The following BCCIP variants were observed in gnomAD, a reference collection of about 807,000 sequenced individuals.
BCCIP encodes BRCA2 and CDKN1A-interacting protein.
In BCCIP, 23 loss-of-function variants were observed where a neutral mutation model predicts 32.8. The observed-to-expected ratio is 0.70, with a 90% CI of 0.51 to 0.99. The LOEUF (loss-of-function observed/expected upper bound fraction) is 0.99, where lower values mean the gene tolerates loss of function less well. BCCIP is among the 50% of genes least tolerant of loss of function. The pLI is 0.00. For missense variants in BCCIP, 378 were observed against 379.8 expected (o/e 1.00, Z 0.04); for synonymous variants, 144 against 137.6 (o/e 1.05, Z -0.33).
intron 1 of BCCIP, among the ~76,000 whole-genome samples, chr10:125,824,941 A>C (rs1019496004): frequency 1.3e-5 from 2 of 152,274 alleles, no homozygotes; most frequent in Non-Finnish European, 2.9e-5. Context: ...GGAGGGGAGC[A>C]TGGAGAGAAG....
chr10:125,842,211 C>T lies in BCCIP; in HGVS notation c.*852C>T, dbSNP rs1854901670. On this transcript the variant is annotated 3_prime_UTR_variant, in exon 7 of 7. Transcript: ENST00000299130. ...ACCCAGGTGGAGCCTGCCAGCCTCC[C>T]TGCAGTAGGAAAACAATGCCAGGGA... 3 of 375,968 alleles carry T rather than the reference C, an allele frequency of 8.0e-6. No individual in the cohort carries two copies. The South Asian group carries it at 1.1e-4, about 14-fold the overall frequency. The allele number at this position is 375,968 out of a possible 1,614,324, so 23.3% of individuals were successfully genotyped here.
intron 7 of BCCIP, chr10:125,852,142 TTACCTC>T: frequency 2.1e-6 from 2 of 952,270 alleles, no homozygotes; most frequent in Non-Finnish European, 3.0e-6. Context: ...CAGAGAATGT[TTACCTC>T]TAGCAGGAAA....
chr10:125,839,218 G>T (rs141930160), downstream of BCCIP: 4 of 1,604,400 alleles, frequency 2.5e-6, no homozygotes, highest in African/African-American at 5.3e-5. Context: ...AGGCTATTTA[G>T]AAATGATTTG....
downstream of BCCIP, among the ~76,000 whole-genome samples, chr10:125,843,688 A>G (rs1315241787): frequency 6.6e-6 from 1 of 152,176 alleles, no homozygotes; most frequent in Admixed American, 6.5e-5. Context: ...GGAAGGCATT[A>G]GAAGCCACTA....
downstream of BCCIP, among the ~76,000 whole-genome samples, chr10:125,847,566 C>T (rs1256903809): frequency 6.6e-6 from 1 of 152,128 alleles, no homozygotes; most frequent in Non-Finnish European, 1.5e-5. Context: ...GCACCAGGGA[C>T]CGACTTCATG....
downstream of BCCIP, among the ~76,000 whole-genome samples, chr10:125,843,741 AC>A (rs1361617529): frequency 6.6e-6 from 1 of 152,186 alleles, no homozygotes; most frequent in Non-Finnish European, 1.5e-5. Context: ...GATGCAGCCT[AC>A]CACACCTCCA....
At chr10:125,839,317 G>A, downstream of BCCIP, 1 of 862,322 alleles carries the variant, frequency 1.2e-6, no homozygotes, top group Non-Finnish European at 1.7e-6. Context: ...GTAGGTGAGT[G>A]GCAGGAAGGC....
chr10:125,852,336 T>C, intron 7 of BCCIP: 4 of 1,614,224 alleles, frequency 2.5e-6, no homozygotes, highest in Non-Finnish European at 3.4e-6. Flanking sequence ...CCGCAATGTC[T>C]ATCCTCTTCA....
chr10:125,843,926 T>A (rs952702100), downstream of BCCIP, among the ~76,000 whole-genome samples: 1 of 152,196 alleles, frequency 6.6e-6, no homozygotes, highest in African/African-American at 2.4e-5. Context: ...CATCCTTACC[T>A]TGGGGCAAAT....
At chr10:125,837,246 T>C (rs184608384), downstream of BCCIP, among the ~76,000 whole-genome samples, 17 of 152,324 alleles carry the variant, frequency 1.1e-4, no homozygotes, top group Admixed American at 9.1e-4. Context: ...CCACTCCACA[T>C]CCAGCTGCGT....
At chr10:125,826,702 T>A in intron 2 of BCCIP, 37 bp downstream of exon 2, 1 of 1,607,610 alleles carries the variant, frequency 6.2e-7, no homozygotes, top group Non-Finnish European at 8.5e-7. Context: ...AATTTCCTCT[T>A]CTAAGAAAAA....
At chr10:125,841,201 T>TG, downstream of BCCIP, 1 of 1,414,292 alleles carries the variant, frequency 7.1e-7, no homozygotes, top group Middle Eastern at 1.8e-4. Flanking sequence ...GTGTGTGTGT[T>TG]TGCTTTTCTA....
chr10:125,838,923 T>G, downstream of BCCIP: 28 of 1,425,742 alleles, frequency 2.0e-5, no homozygotes, highest in Non-Finnish European at 2.5e-5. Flanking sequence ...ATCATCATCC[T>G]AAGCCATTGT....
chr10:125,839,262 G>A (rs1049494260), downstream of BCCIP: 10 of 1,493,180 alleles, frequency 6.7e-6, no homozygotes, highest in African/African-American at 8.3e-5. Flanking sequence ...CCAGGCAGTT[G>A]CCATCTTTAA....
At chr10:125,836,042 T>C in intron 6 of BCCIP, 62 bp from the exon 7 acceptor site, 3 of 1,428,362 alleles carry the variant, frequency 2.1e-6, no homozygotes, top group Non-Finnish European at 2.9e-6. Context: ...TTGCCGTAGA[T>C]CAAATGGGTT....
downstream of BCCIP, chr10:125,841,452 T>C: frequency 1.3e-6 from 2 of 1,541,846 alleles, 1 homozygote; most frequent in South Asian, 2.5e-5. Flanking sequence ...TAGTGACACA[T>C]TTTCTTCATC....
chr10:125,844,851 C>A (rs998115338), downstream of BCCIP, among the ~76,000 whole-genome samples: 2 of 152,222 alleles, frequency 1.3e-5, no homozygotes, highest in African/African-American at 4.8e-5. Context: ...AGCTCGCTTG[C>A]CAGCGGCAGC....
rs1854430156 is a variant in BCCIP, at chr10:125,827,634, TTAAGG to T, written c.321+1_321+5del. The T allele has an allele frequency of 6.3e-7, 1 of 1,598,952 alleles. No homozygotes were observed. Among genetic ancestry groups the T allele is most frequent in the Non-Finnish European group, 8.6e-7 (1 of 1,166,448 alleles). On this transcript the variant is annotated splice_donor_variant and coding_sequence_variant, in exon 3 of 7. Transcript: ENST00000278100. LOFTEE classifies it high-confidence loss of function. ...CAACAGAACCATATTGGGAGTGTGA[TTAAGG>T]TAAGTAGGATAATTGTGTTTATTCT...
At chr10:125,826,687 G>A (rs544345094) in intron 2 of BCCIP, 22 bp downstream of exon 2, 4 of 1,610,516 alleles carry the variant, frequency 2.5e-6, no homozygotes. Flanking sequence ...TATTTATTAT[G>A]CATAAATTTC....
Sources: gnomAD v4.1 joint callset for allele counts (sites outside exome capture counted in the v4.1 genomes callset) on GRCh38, gnomAD v4.1.1 for gene constraint, MANE v1.5 for transcripts, NCBI Gene and HGNC (gene_info 2026-07-23, HGNC 2026-07-21) for gene names.